The following AUTS2 variants were observed in gnomAD, a reference collection of about 807,000 sequenced individuals.
AUTS2 encodes the protein activator of transcription and developmental regulator AUTS2, also known as autism susceptibility gene 2 protein.
A neutral mutation model predicts 112.4 loss-of-function variants in AUTS2; 17 were observed. The observed-to-expected ratio is 0.15, with a 90% CI of 0.10 to 0.23. The LOEUF is 0.23. Ranked by LOEUF, AUTS2 falls within the 10% of genes least tolerant of loss-of-function variation. AUTS2 has a pLI of 1.00. For missense variants in AUTS2, 1,510 were observed against 1,701.6 expected (o/e 0.89, Z 1.98); for synonymous variants, 751 against 702.7 (o/e 1.07, Z -1.09).
intron 1 of AUTS2, among the ~76,000 whole-genome samples, chr7:69,757,661 C>A (rs954224610): frequency 6.6e-6 from 1 of 151,824 alleles, no homozygotes; most frequent in South Asian, 2.1e-4. Flanking sequence ...AAATTGTTAC[C>A]CCCTCCTTGT....
At chr7:69,671,527 G>T (rs1020991128) in intron 1 of AUTS2, among the ~76,000 whole-genome samples, 1 of 150,498 alleles carries the variant, frequency 6.6e-6, no homozygotes, top group Non-Finnish European at 1.5e-5. Context: ...GTGTGTGTCT[G>T]TGTGTGTGTG....
rs570876370 is a variant in AUTS2 at position 70,027,180 on chromosome 7, T to C, written c.523-90952T>C. Among the ~76,000 whole-genome samples the C allele has an allele frequency of 2.0e-5, 3 of 152,334 alleles. No individual in the cohort carries two copies. In the East Asian group the frequency reaches 5.8e-4, roughly 29 times the overall value. ...ATATTTTCAACTAACAATGGGCTTA[T>C]TGGGATATAACCCCATGATAAGTCT... On this transcript the variant is annotated intron_variant, in intron 2 of 18. Transcript: ENST00000342771.
chr7:69,654,756 T>C (rs1469805524), intron 1 of AUTS2, among the ~76,000 whole-genome samples: 1 of 152,072 alleles, frequency 6.6e-6, no homozygotes, highest in Non-Finnish European at 1.5e-5. Context: ...AAGCACTTAC[T>C]GTCTTTATAT....
chr7:70,606,840 C>G (rs1357198274), intron 5 of AUTS2, among the ~76,000 whole-genome samples: 1 of 143,024 alleles, frequency 7.0e-6, no homozygotes, highest in East Asian at 2.1e-4. Flanking sequence ...CCAGCCTGGG[C>G]GACAAGCGAG....
intron 1 of AUTS2, among the ~76,000 whole-genome samples, chr7:69,704,701 G>A (rs916900522): frequency 1.6e-4 from 25 of 152,238 alleles, no homozygotes; most frequent in Admixed American, 7.8e-4. Context: ...CAATTCAGGT[G>A]CCTCGACAAG....
At chr7:70,756,171 A>C (rs1164081063) in intron 6 of AUTS2, among the ~76,000 whole-genome samples, 2 of 152,224 alleles carry the variant, frequency 1.3e-5, no homozygotes, top group Non-Finnish European at 2.9e-5. Flanking sequence ...TCACACTGAT[A>C]ATAGTGCACT....
At chr7:69,617,796 G>A (rs1462575872) in intron 1 of AUTS2, among the ~76,000 whole-genome samples, 1 of 152,142 alleles carries the variant, frequency 6.6e-6, no homozygotes, top group East Asian at 1.9e-4. Flanking sequence ...CAAGATTTGT[G>A]TCTCCTTTCC....
chr7:70,398,828 T>C (rs1315450097), intron 4 of AUTS2, among the ~76,000 whole-genome samples: 1 of 152,198 alleles, frequency 6.6e-6, no homozygotes, highest in East Asian at 1.9e-4. Flanking sequence ...AAGTATGATG[T>C]TTCCTTTGGG....
intron 4 of AUTS2, among the ~76,000 whole-genome samples, chr7:70,239,646 G>A (rs572655914): frequency 2.6e-5 from 4 of 152,060 alleles, no homozygotes; most frequent in Non-Finnish European, 5.9e-5. Flanking sequence ...TGTTGGCCAG[G>A]CTGGTCTTGA....
At chr7:70,386,576 C>A (rs1793617775) in intron 4 of AUTS2, among the ~76,000 whole-genome samples, 1 of 152,200 alleles carries the variant, frequency 6.6e-6, no homozygotes, top group South Asian at 2.1e-4. Context: ...TTTGCCTATT[C>A]TGAACATTTC....
chr7:69,898,321 A>G (rs1258475925), intron 1 of AUTS2, among the ~76,000 whole-genome samples: 1 of 152,210 alleles, frequency 6.6e-6, no homozygotes, highest in Non-Finnish European at 1.5e-5. Flanking sequence ...CAAATAACTG[A>G]GTGCCAAAAC....
chr7:69,930,350 C>T (rs1796181745), intron 2 of AUTS2, among the ~76,000 whole-genome samples: 1 of 152,066 alleles, frequency 6.6e-6, no homozygotes, highest in Non-Finnish European at 1.5e-5. Context: ...TCCTATGAAC[C>T]CCAGCTGCCT....
chr7:70,324,895 T>C (rs1364426806), intron 4 of AUTS2, among the ~76,000 whole-genome samples: 1 of 152,198 alleles, frequency 6.6e-6, no homozygotes, highest in African/African-American at 2.4e-5. Context: ...TCGTTCTCTG[T>C]CTTTGCTTAT....
At chr7:70,774,124 T>C (rs746023434) in intron 12 of AUTS2, 25 bp downstream of exon 12, 67 of 1,610,712 alleles carry the variant, frequency 4.2e-5, no homozygotes, top group Non-Finnish European at 5.7e-5. Flanking sequence ...AGGCTTGGTC[T>C]CAGGTAACAC....
At chr7:69,636,490 C>CCCA (rs1196281606) in intron 1 of AUTS2, among the ~76,000 whole-genome samples, 1 of 96,846 alleles carries the variant, frequency 1.0e-5, no homozygotes, top group South Asian at 4.0e-4. Flanking sequence ...GCCCCCCCCC[C>CCCA]CCCTTGGCCT....
intron 5 of AUTS2, among the ~76,000 whole-genome samples, chr7:70,586,969 A>G (rs1324083742): frequency 6.6e-6 from 1 of 152,186 alleles, no homozygotes; most frequent in Non-Finnish European, 1.5e-5. Flanking sequence ...TCTCCATTTG[A>G]GTAGTTTAGG....
chr7:70,159,474 T>TTA (rs1458813680), intron 4 of AUTS2, among the ~76,000 whole-genome samples: 1 of 152,144 alleles, frequency 6.6e-6, no homozygotes, highest in Non-Finnish European at 1.5e-5. Flanking sequence ...ATGGAACTCT[T>TTA]TAGGTCTGTG....
intron 4 of AUTS2, among the ~76,000 whole-genome samples, chr7:70,276,436 G>A (rs889360911): frequency 1.3e-5 from 2 of 149,990 alleles, no homozygotes; most frequent in Non-Finnish European, 3.0e-5. Flanking sequence ...GTGCAATGGT[G>A]TGTGTGATTT....
At chr7:70,380,862 C>G (rs891151440) in intron 4 of AUTS2, among the ~76,000 whole-genome samples, 1 of 152,186 alleles carries the variant, frequency 6.6e-6, no homozygotes, top group South Asian at 2.1e-4. Context: ...ATATTCAAAA[C>G]TAGCCTGAAA....
Sources: gnomAD v4.1 joint callset for allele counts (sites outside exome capture counted in the v4.1 genomes callset) on GRCh38, gnomAD v4.1.1 for gene constraint, MANE v1.5 for transcripts, NCBI Gene and HGNC (gene_info 2026-07-23, HGNC 2026-07-21) for gene names.